The following LHFPL2 variants were observed in gnomAD, a reference collection of about 807,000 sequenced individuals.
The protein encoded by LHFPL2 is LHFPL tetraspan subfamily member 2 protein.
In LHFPL2, 7 loss-of-function variants were observed where a neutral mutation model predicts 17.5. The ratio of observed to expected loss-of-function variants is 0.40; its 90% CI spans 0.23 to 0.75. The LOEUF (loss-of-function observed/expected upper bound fraction) is 0.75. Ranked by LOEUF, LHFPL2 falls within the 30% of genes least tolerant of loss-of-function variation. LHFPL2 has a pLI of 0.37. For missense variants in LHFPL2, 241 were observed against 294.8 expected, an observed-to-expected ratio of 0.82 and a Z score of 1.34; for synonymous variants, 134 against 116.2, an observed-to-expected ratio of 1.15 and a Z score of -0.99.
intron 3 of LHFPL2, among the ~76,000 whole-genome samples, chr5:78,516,140 G>A (rs1242430918): frequency 1.3e-5 from 2 of 152,174 alleles, no homozygotes. Context: ...AGGAGGTTTT[G>A]AAACTCTCAT....
intron 4 of LHFPL2, among the ~76,000 whole-genome samples, chr5:78,508,212 GA>G (rs769015706): frequency 6.6e-5 from 10 of 152,108 alleles, no homozygotes; most frequent in African/African-American, 9.7e-5. Flanking sequence ...CTATTTTTCA[GA>G]AGGAGAACAC....
chr5:78,557,759 G>A (rs774925003), intron 3 of LHFPL2, among the ~76,000 whole-genome samples: 2 of 152,126 alleles, frequency 1.3e-5, no homozygotes, highest in Non-Finnish European at 2.9e-5. Context: ...GATTGTTCTG[G>A]GATGGTAACA....
In LHFPL2 at chr5:78,631,935, C is replaced by CAA. The variant is rs35424661; in HGVS notation, c.-245+327_-245+328dup. Among the ~76,000 whole-genome samples, 114 of 104,456 alleles carry CAA rather than the reference C, an allele frequency of 1.1e-3. 1 individual carries two copies. Among genetic ancestry groups the CAA allele is most frequent in the African/African-American group, 1.4e-3 (41 of 29,086 alleles). 68.5% of individuals were successfully genotyped at this position (104,456 alleles called of 152,430 possible). Reference sequence around the variant, plus strand: ...TGGCCTACAGAGCAAGACTCCATCTCAAAAAAAAAAAAAAAGAAAAAAGAA... The same window carrying CAA: ...TGGCCTACAGAGCAAGACTCCATCTCAAAAAAAAAAAAAAAAAGAAAAAAGAA... On this transcript the variant is annotated intron_variant, in intron 2 of 4. Coordinates refer to ENST00000380345, the MANE Select transcript of LHFPL2 (RefSeq NM_005779.3).
At chr5:78,513,732 T>G (rs113976923) in intron 3 of LHFPL2, among the ~76,000 whole-genome samples, 2 of 152,228 alleles carry the variant, frequency 1.3e-5, no homozygotes, top group African/African-American at 4.8e-5. Flanking sequence ...GGGGAACCTC[T>G]TTCACTTAGT....
At position 78,485,291 on chromosome 5, in the gene LHFPL2, T is replaced by C. The variant is rs951596706; in HGVS notation, c.*3606A>G. 1 of 152,702 alleles carries C rather than the reference T, an allele frequency of 6.5e-6. No homozygotes were observed. Among genetic ancestry groups the C allele is most frequent in the African/African-American group, 2.4e-5 (1 of 41,544 alleles). 9.5% of individuals were successfully genotyped at this position (152,702 alleles called of 1,614,324 possible). ...GGGGAGCACATAGTGAAAATACATA[T>C]GCACAGGAACCAAATCAATGCTAGA... On this transcript the variant is annotated 3_prime_UTR_variant, in exon 5 of 5. Coordinates refer to ENST00000380345, the MANE Select transcript of LHFPL2 (RefSeq NM_005779.3).
At chr5:78,566,015 G>T (rs779253299) in intron 2 of LHFPL2, among the ~76,000 whole-genome samples, 1 of 152,096 alleles carries the variant, frequency 6.6e-6, no homozygotes, top group Non-Finnish European at 1.5e-5. Context: ...TAAATATTTA[G>T]AAAAAAAGCA....
At chr5:78,643,593 A>C (rs1745755245) in intron 1 of LHFPL2, among the ~76,000 whole-genome samples, 1 of 152,198 alleles carries the variant, frequency 6.6e-6, no homozygotes, top group Admixed American at 6.5e-5. Flanking sequence ...AAATTACAGA[A>C]GTGTTCAGTT....
In LHFPL2 at chr5:78,572,444, G is replaced by GTATA. The variant is rs575100281; in HGVS notation, c.-244-7577_-244-7574dup. 1.5e-4 allele frequency among the ~76,000 whole-genome samples: 22 copies of GTATA among 150,164 alleles called. No individual in the cohort carries two copies. The East Asian group carries it at 4.3e-3, about 29-fold the overall frequency. On this transcript the variant is annotated intron_variant, in intron 2 of 4. Coordinates refer to ENST00000380345, the MANE Select transcript of LHFPL2 (RefSeq NM_005779.3). The stretch of plus-strand genomic sequence containing the variant: ...TACATATATATATATGTATGTATGT[G>GTATA]TATATATATGTATGTGTATATACAT...
chr5:78,520,267 A>G (rs759718598), intron 3 of LHFPL2, among the ~76,000 whole-genome samples: 4 of 152,188 alleles, frequency 2.6e-5, no homozygotes, highest in Admixed American at 2.6e-4. Flanking sequence ...TGGCAAAGTC[A>G]TAGGCAAGGG....
intron 4 of LHFPL2, among the ~76,000 whole-genome samples, chr5:78,492,342 T>C (rs1285987178): frequency 6.6e-6 from 1 of 152,218 alleles, no homozygotes; most frequent in East Asian, 1.9e-4. Context: ...TTTAATATAT[T>C]AGGGACAGAA....
chr5:78,617,973 C>G (rs1580862656), intron 2 of LHFPL2, among the ~76,000 whole-genome samples: 1 of 152,094 alleles, frequency 6.6e-6, no homozygotes, highest in African/African-American at 2.4e-5. Flanking sequence ...GAGGCCAAGA[C>G]AGGTGGATCA....
intron 3 of LHFPL2, among the ~76,000 whole-genome samples, chr5:78,511,876 G>A (rs1035952538): frequency 6.6e-6 from 1 of 152,186 alleles, no homozygotes; most frequent in African/African-American, 2.4e-5. Flanking sequence ...GTGTGTGCGT[G>A]TGTCACAGCG....
At chr5:78,507,096 G>A (rs777638153) in intron 4 of LHFPL2, among the ~76,000 whole-genome samples, 4 of 152,034 alleles carry the variant, frequency 2.6e-5, no homozygotes, top group Admixed American at 1.3e-4. Context: ...TTTGGGAGGC[G>A]GAGGCAGGTG....
At chr5:78,514,623 C>A (rs1260013917) in intron 3 of LHFPL2, among the ~76,000 whole-genome samples, 1 of 152,168 alleles carries the variant, frequency 6.6e-6, no homozygotes, top group African/African-American at 2.4e-5. Context: ...CCACCCAGTG[C>A]CCGCCGGCTG....
chr5:78,493,636 A>G (rs893970988), intron 4 of LHFPL2, among the ~76,000 whole-genome samples: 1 of 152,172 alleles, frequency 6.6e-6, no homozygotes, highest in African/African-American at 2.4e-5. Flanking sequence ...GTGCCCATGG[A>G]GGAAATCAGT....
intron 2 of LHFPL2, among the ~76,000 whole-genome samples, chr5:78,604,811 C>T (rs1324817568): frequency 6.6e-6 from 1 of 152,204 alleles, no homozygotes; most frequent in East Asian, 1.9e-4. Context: ...ATCAGTGCTG[C>T]TCAGAAAACA....
At chr5:78,556,962 CTT>C (rs58215965) in intron 3 of LHFPL2, among the ~76,000 whole-genome samples, 10 of 146,852 alleles carry the variant, frequency 6.8e-5, no homozygotes, top group South Asian at 2.2e-4. Flanking sequence ...TCTGGCAATC[CTT>C]TTTTTTTTTT....
intron 3 of LHFPL2, among the ~76,000 whole-genome samples, chr5:78,555,681 C>A (rs1756552642): frequency 6.6e-6 from 1 of 152,256 alleles, no homozygotes; most frequent in Admixed American, 6.5e-5. Flanking sequence ...CAGGGGAAGA[C>A]CCCAACAGGC....
intron 2 of LHFPL2, among the ~76,000 whole-genome samples, chr5:78,597,987 A>C (rs1743884899): frequency 6.6e-6 from 1 of 152,208 alleles, no homozygotes; most frequent in Non-Finnish European, 1.5e-5. Flanking sequence ...TGACAACCAC[A>C]AACTAAATAA....
Sources: allele counts gnomAD v4.1 joint callset (sites outside exome capture counted in the v4.1 genomes callset), GRCh38; gene constraint gnomAD v4.1.1; transcripts MANE v1.5; gene names NCBI Gene and HGNC (gene_info 2026-07-23, HGNC 2026-07-21).